Variants in RASGRF2 observed in about 807,000 individuals in gnomAD.
RASGRF2 encodes the protein Ras protein specific guanine nucleotide releasing factor 2.
A neutral mutation model predicts 151.0 loss-of-function variants in RASGRF2; 76 were observed. The ratio of observed to expected loss-of-function variants is 0.50; its 90% CI spans 0.42 to 0.61. The LOEUF (loss-of-function observed/expected upper bound fraction) is 0.61, where lower values mean the gene tolerates loss of function less well. Among genes scored for constraint, RASGRF2 ranks in the 20% least tolerant of loss-of-function variants. RASGRF2 has a pLI of 0.00. For missense variants in RASGRF2, 1,148 were observed against 1,564.6 expected (o/e 0.73, Z 4.49); for synonymous variants, 504 against 566.5 (o/e 0.89, Z 1.57).
chr5:80,961,203 T>C (rs1747542877), intron 1 of RASGRF2, among the ~76,000 whole-genome samples, 177 bp downstream of exon 1: 1 of 152,176 alleles, frequency 6.6e-6, no homozygotes, highest in Non-Finnish European at 1.5e-5. Context: ...CATCCAGGGA[T>C]TCTCCCATCT....
At chr5:80,996,879 G>T (rs1748901937) in intron 1 of RASGRF2, among the ~76,000 whole-genome samples, 1 of 151,676 alleles carries the variant, frequency 6.6e-6, no homozygotes, top group South Asian at 2.1e-4. Flanking sequence ...TTACTTCTTT[G>T]GTGTATGTAT....
chr5:81,036,564 G>A (rs966193844), intron 1 of RASGRF2, among the ~76,000 whole-genome samples: 2 of 151,926 alleles, frequency 1.3e-5, no homozygotes, highest in African/African-American at 4.8e-5. Flanking sequence ...CTATTTGTAT[G>A]TCCTTATTTT....
rs71603577 is a variant in RASGRF2, at chr5:81,217,574, CTTTT to C, written c.3552+121_3552+124del. ...AATGTCTGCTTTTTTTTTTTCTCTT[CTTTT>C]TTTTTTTTTTTTTTTTTTTGAGAAA... On this transcript the variant is annotated intron_variant, in intron 25 of 26. Transcript: ENST00000265080. 780 of 181,236 alleles carry C rather than the reference CTTTT, an allele frequency of 4.3e-3. 2 individuals carry two copies. Among genetic ancestry groups the C allele is most frequent in the Admixed American group, 7.0e-3 (64 of 9,116 alleles). The allele number at this position is 181,236 out of a possible 1,614,324, so 11.2% of individuals were successfully genotyped here.
chr5:81,072,931 A>G (rs1274805896), intron 4 of RASGRF2, among the ~76,000 whole-genome samples: 1 of 152,210 alleles, frequency 6.6e-6, no homozygotes, highest in Non-Finnish European at 1.5e-5. Flanking sequence ...AAAGGTTTTA[A>G]TATATACTTG....
intron 5 of RASGRF2, among the ~76,000 whole-genome samples, chr5:81,076,732 G>A (rs115695505): frequency 6.6e-6 from 1 of 152,122 alleles, no homozygotes; most frequent in African/African-American, 2.4e-5. Context: ...GGGAAGTGTC[G>A]GAGCTGGAGA....
At chr5:81,020,588 A>G (rs1561558329) in intron 1 of RASGRF2, among the ~76,000 whole-genome samples, 1 of 152,170 alleles carries the variant, frequency 6.6e-6, no homozygotes, top group Non-Finnish European at 1.5e-5. Context: ...AGAGAGACAC[A>G]TTAGTGGACA....
At chr5:81,181,568 C>T (rs901351485) in intron 18 of RASGRF2, among the ~76,000 whole-genome samples, 2 of 152,146 alleles carry the variant, frequency 1.3e-5, no homozygotes, top group Non-Finnish European at 2.9e-5. Context: ...TCCATTTTGC[C>T]TCACTGCAGA....
intron 1 of RASGRF2, among the ~76,000 whole-genome samples, chr5:80,968,568 T>A (rs1174421537): frequency 6.6e-6 from 1 of 152,226 alleles, no homozygotes; most frequent in African/African-American, 2.4e-5. Flanking sequence ...CTTTTTTGTT[T>A]CTTTCATGTT....
intron 12 of RASGRF2, among the ~76,000 whole-genome samples, chr5:81,100,585 G>A (rs1752674610): frequency 6.6e-6 from 1 of 152,246 alleles, no homozygotes; most frequent in South Asian, 2.1e-4. Context: ...CTGAAGATTT[G>A]ACTATTTATT....
At position 81,108,345 on chromosome 5, in the gene RASGRF2, ACT is replaced by A. The variant is rs528198791; in HGVS notation, c.1756-647_1756-646del. On this transcript the variant is annotated intron_variant, in intron 12 of 26. Coordinates refer to ENST00000265080, the MANE Select transcript of RASGRF2 (RefSeq NM_006909.3). ...AGAGAAAATTAGCACAGCTTCCTGAACTCTCCTCTTGGAAAAGAGAAAAAGAT... is the reference window on the plus strand; with the variant it reads ...AGAGAAAATTAGCACAGCTTCCTGAACTCCTCTTGGAAAAGAGAAAAAGAT... 6.0e-5 allele frequency among the ~76,000 whole-genome samples: 8 copies of A among 132,368 alleles called. No homozygotes were observed. In the East Asian group the frequency reaches 1.6e-3, roughly 26 times the overall value. 86.8% of individuals were successfully genotyped at this position (132,368 alleles called of 152,430 possible).
intron 17 of RASGRF2, among the ~76,000 whole-genome samples, chr5:81,142,857 G>C (rs1009303757): frequency 2.0e-5 from 3 of 152,130 alleles, no homozygotes; most frequent in Non-Finnish European, 4.4e-5. Flanking sequence ...GTGTGACACA[G>C]GCTGTACACC....
At chr5:81,136,756 A>T (rs768782571) in intron 17 of RASGRF2, among the ~76,000 whole-genome samples, 27 of 151,802 alleles carry the variant, frequency 1.8e-4, no homozygotes, top group South Asian at 4.2e-4. Flanking sequence ...ACCCTTTGAA[A>T]TTGTCCCACA....
At chr5:81,145,962 G>A (rs34117) in intron 17 of RASGRF2, among the ~76,000 whole-genome samples, 65,324 of 152,014 alleles carry the variant, frequency 0.43, 14,659 homozygotes, top group East Asian at 0.81. Flanking sequence ...CACGTTAAAC[G>A]TAAGGGGCAT....
Position 81,112,559 on chromosome 5 carries a change from G to A in RASGRF2, c.1839-51G>A, listed in dbSNP as rs1753025944. 3 of 1,608,330 alleles carry A rather than the reference G, an allele frequency of 1.9e-6. No homozygotes were observed. In the East Asian group the frequency reaches 6.7e-5, roughly 36 times the overall value. Reference sequence around the variant, plus strand: ...AAACGCTGAAATATTCAGTGGCCGAGGGGGAAGCCTCCTCCTGGTTTTACC... The same window carrying A: ...AAACGCTGAAATATTCAGTGGCCGAAGGGGAAGCCTCCTCCTGGTTTTACC... On this transcript the variant is annotated intron_variant, in intron 13 of 26. Coordinates refer to ENST00000265080, the MANE Select transcript of RASGRF2 (RefSeq NM_006909.3).
chr5:81,087,220 A>AT, intron 9 of RASGRF2: 1 of 703,108 alleles, frequency 1.4e-6, no homozygotes, highest in East Asian at 2.7e-5. Context: ...CGGCCCGGAC[A>AT]TTCTCTGCAG....
intron 1 of RASGRF2, among the ~76,000 whole-genome samples, chr5:81,029,884 CA>C (rs1259259843): frequency 6.6e-6 from 1 of 152,094 alleles, no homozygotes; most frequent in Non-Finnish European, 1.5e-5. Flanking sequence ...GAACCCAACA[CA>C]AAGAAGCTAA....
intron 24 of RASGRF2, among the ~76,000 whole-genome samples, chr5:81,216,365 A>G (rs1469924147): frequency 2.2e-5 from 2 of 89,910 alleles, no homozygotes; most frequent in Non-Finnish European, 2.4e-5. Context: ...ACACACACAC[A>G]CACGCACACA....
At chr5:81,069,396 G>A (rs930075353) in intron 3 of RASGRF2, among the ~76,000 whole-genome samples, 8 of 152,212 alleles carry the variant, frequency 5.3e-5, no homozygotes, top group Non-Finnish European at 2.9e-5. Flanking sequence ...ACTATATCAG[G>A]CACTGTTATT....
intron 3 of RASGRF2, 179 bp from the exon 4 acceptor site, chr5:81,070,313 C>G: frequency 3.6e-6 from 2 of 560,892 alleles, no homozygotes; most frequent in Non-Finnish European, 6.5e-6. Context: ...ATTGGTGATA[C>G]CATGCTTGGG....
Sources: allele counts gnomAD v4.1 joint callset (sites outside exome capture counted in the v4.1 genomes callset), GRCh38; gene constraint gnomAD v4.1.1; transcripts MANE v1.5; gene names NCBI Gene and HGNC (gene_info 2026-07-23, HGNC 2026-07-21).